The following ZFP90 variants were observed in gnomAD, a reference collection of about 807,000 sequenced individuals.
The protein encoded by ZFP90 is ZFP90 zinc finger protein.
Under a neutral mutation model 60.8 loss-of-function variants are expected in ZFP90, and 38 were observed. The ratio of observed to expected loss-of-function variants is 0.62; its 90% CI spans 0.48 to 0.82. The LOEUF is 0.82. Among genes scored for constraint, ZFP90 ranks in the 40% least tolerant of loss-of-function variants. The pLI is 0.00. For synonymous variants in ZFP90, 287 were observed against 264.8 expected (o/e 1.08, Z -0.82); for missense variants, 711 against 759.1 (o/e 0.94, Z 0.74).
chr16:68,566,386 G>A lies in ZFP90; in HGVS notation c.*1688G>A, dbSNP rs1007423534. 1 of 985,458 alleles carries A rather than the reference G, an allele frequency of 1.0e-6. No homozygotes were observed. Among genetic ancestry groups the A allele is most frequent in the Non-Finnish European group, 1.2e-6 (1 of 829,944 alleles). The allele number at this position is 985,458 out of a possible 1,614,324, so 61.0% of individuals were successfully genotyped here. ...ATATGAATCATGGGGCAAGATATTG[G>A]TCGTATTGATGGTGAACCTTTCCTA... On this transcript the variant is annotated 3_prime_UTR_variant, in exon 5 of 5. Transcript: ENST00000563169.
chr16:68,557,613 GAAAGT>G (rs1471832735), intron 2 of ZFP90, among the ~76,000 whole-genome samples: 1 of 151,706 alleles, frequency 6.6e-6, no homozygotes, highest in African/African-American at 2.4e-5. Context: ...GGTTATTTCT[GAAAGT>G]AAAGTGGGAT....
chr16:68,545,065 G>A (rs552529067), intron 2 of ZFP90, among the ~76,000 whole-genome samples: 1 of 151,852 alleles, frequency 6.6e-6, no homozygotes, highest in Admixed American at 6.6e-5. Flanking sequence ...ATTTTTAGTA[G>A]AGATGGGGTT....
Position 68,563,721 on chromosome 16 carries a change from T to TGTA in ZFP90, c.937_939dup (p.Ser313dup). 1 of 1,614,170 alleles carries TGTA rather than the reference T, an allele frequency of 6.2e-7. No homozygotes were observed. Among genetic ancestry groups the TGTA allele is most frequent in the Non-Finnish European group, 8.5e-7 (1 of 1,180,000 alleles). On this transcript the variant is annotated inframe_insertion, in exon 5 of 5. Transcript: ENST00000563169. ...TCATACCGGAGAGAAACCCTATCAG[T>TGTA]GTAGTCTCTGTGGGAAAGCCTTCCA... is the stretch of plus-strand genomic sequence containing the variant.
chr16:68,552,672 G>A (rs2091281444), intron 2 of ZFP90, among the ~76,000 whole-genome samples: 1 of 152,182 alleles, frequency 6.6e-6, no homozygotes, highest in South Asian at 2.1e-4. Context: ...CCAGAGTGGG[G>A]GCTGTGGAGG....
At chr16:68,557,945 C>G in intron 2 of ZFP90, 53 bp from the exon 3 acceptor site, 1 of 1,610,388 alleles carries the variant, frequency 6.2e-7, no homozygotes, top group Non-Finnish European at 8.5e-7. Context: ...CCAGCATTGC[C>G]TTAGAACATT....
intron 2 of ZFP90, among the ~76,000 whole-genome samples, chr16:68,545,710 G>A (rs2152058944): frequency 6.6e-6 from 1 of 152,312 alleles, no homozygotes; most frequent in Middle Eastern, 3.4e-3. Context: ...AGCTACTCGG[G>A]AGGCTGAGGC....
chr16:68,565,352 T>C lies in ZFP90; in HGVS notation c.*654T>C. 1 of 985,578 alleles carries C rather than the reference T, an allele frequency of 1.0e-6. No homozygotes were observed. The highest frequency in any genetic ancestry group is 1.2e-6 in the Non-Finnish European group (1 of 829,948). The allele number at this position is 985,578 out of a possible 1,614,324, so 61.1% of individuals were successfully genotyped here. ...TGGACTCAGAGGGCTTTAAAATAAA[T>C]TTTAAGATGTATCAGATACACAAAC... On this transcript the variant is annotated 3_prime_UTR_variant, in exon 5 of 5. Coordinates refer to ENST00000563169, the MANE Select transcript of ZFP90 (RefSeq NM_001305203.2).
At chr16:68,557,825 A>G (rs2091369891) in intron 2 of ZFP90, among the ~76,000 whole-genome samples, 173 bp from the exon 3 acceptor site, 1 of 147,856 alleles carries the variant, frequency 6.8e-6, no homozygotes. Context: ...TGCCTGACAT[A>G]CTAGATCCTT....
chr16:68,535,213 A>T (rs2090951542), upstream of ZFP90, among the ~76,000 whole-genome samples: 1 of 152,170 alleles, frequency 6.6e-6, no homozygotes, highest in Non-Finnish European at 1.5e-5. Context: ...TTTAAACTAC[A>T]TTCTCAGCTT....
chr16:68,553,417 T>C (rs1223149929), intron 2 of ZFP90, among the ~76,000 whole-genome samples: 1 of 151,844 alleles, frequency 6.6e-6, no homozygotes, highest in African/African-American at 2.4e-5. Context: ...TTTAGTGTCT[T>C]CCAGGAATCA....
intron 2 of ZFP90, among the ~76,000 whole-genome samples, chr16:68,550,769 G>C (rs1004931892): frequency 1.3e-5 from 2 of 152,182 alleles, no homozygotes; most frequent in Admixed American, 1.3e-4. Flanking sequence ...CCATTCCCTG[G>C]ATTAATGCTG....
At chr16:68,570,063 T>G (rs1263686170), downstream of ZFP90, among the ~76,000 whole-genome samples, 2 of 151,994 alleles carry the variant, frequency 1.3e-5, no homozygotes, top group Non-Finnish European at 2.9e-5. Context: ...TGTGTGTGTG[T>G]GTGTGTGCTA....
chr16:68,558,297 A>C (rs2091380182), intron 3 of ZFP90, 173 bp downstream of exon 3: 5 of 1,199,364 alleles, frequency 4.2e-6, no homozygotes, highest in Non-Finnish European at 6.1e-6. Flanking sequence ...CTTTAGGTAA[A>C]AGGTCTTTAT....
In ZFP90 at chr16:68,558,087, T is replaced by A; in HGVS notation, c.123T>A (p.Asp41Glu). The change falls in exon 3 of 5, where the codon GAT (aspartate) becomes GAA (glutamate). Residue 41 changes from aspartate to glutamate, a missense_variant. Physicochemically the swap from Asp to Glu is conservative, Grantham distance 45 (BLOSUM62 2). Transcript: ENST00000563169. ...CTGCTCAGAGGAGCTTATACAGGGATGTGATGCTGGAGAACTATAGCCACC... is the reference window on the plus strand; with the variant it reads ...CTGCTCAGAGGAGCTTATACAGGGAAGTGATGCTGGAGAACTATAGCCACC... The part of the protein sequence containing the change: ...VDPAQRSLYR[D>E]VMLENYSHLV... 6.2e-7 allele frequency: 1 copy of A among 1,613,764 alleles called. No individual in the cohort carries two copies. The highest frequency in any genetic ancestry group is 1.1e-5 in the South Asian group (1 of 91,060).
upstream of ZFP90, among the ~76,000 whole-genome samples, chr16:68,535,904 G>A (rs2090957283): frequency 6.6e-6 from 1 of 152,098 alleles, no homozygotes; most frequent in Non-Finnish European, 1.5e-5. Flanking sequence ...GTGCATCTGT[G>A]AGTTCCTTAA....
downstream of ZFP90, among the ~76,000 whole-genome samples, chr16:68,567,988 CTG>C (rs2091547286): frequency 6.6e-6 from 1 of 152,150 alleles, no homozygotes; most frequent in Non-Finnish European, 1.5e-5. Flanking sequence ...TCCTACTCAT[CTG>C]TTAAAATGCA....
rs35335958 is a variant in ZFP90 at position 68,549,678 on chromosome 16, C to CA, written c.34-8300dup. ...TGGGCGACTGAGCAAGACTCCATCT[C>CA]AAAAAAAAAAAAAAAAAAAAGTCTT... On this transcript the variant is annotated intron_variant, in intron 2 of 4. Transcript: ENST00000563169. 3.3e-3 allele frequency among the ~76,000 whole-genome samples: 205 copies of CA among 62,892 alleles called. 18 individuals are homozygous for CA. Among genetic ancestry groups the CA allele is most frequent in the Middle Eastern group, 0.011 (1 of 92 alleles). 41.3% of individuals were successfully genotyped at this position (62,892 alleles called of 152,430 possible). A position where few individuals can be genotyped will look rare whatever the true frequency, so the allele number is the denominator to read the frequency against.
upstream of ZFP90, among the ~76,000 whole-genome samples, chr16:68,538,635 G>C (rs913281367): frequency 1.3e-5 from 2 of 152,056 alleles, no homozygotes; most frequent in African/African-American, 4.8e-5. Flanking sequence ...GAACCCAGGA[G>C]GCGGAGGCTG....
chr16:68,556,229 A>G (rs2091342333), intron 2 of ZFP90, among the ~76,000 whole-genome samples: 1 of 152,166 alleles, frequency 6.6e-6, no homozygotes, highest in Non-Finnish European at 1.5e-5. Flanking sequence ...CAGGTGACTC[A>G]TGGTTTAACA....
Sources: allele counts gnomAD v4.1 joint callset (sites outside exome capture counted in the v4.1 genomes callset), GRCh38; gene constraint gnomAD v4.1.1; transcripts MANE v1.5; gene names NCBI Gene and HGNC (gene_info 2026-07-23, HGNC 2026-07-21).